The following TRIM22 variants were observed in gnomAD, a reference collection of about 807,000 sequenced individuals.
TRIM22 encodes E3 ubiquitin-protein ligase TRIM22.
Under a neutral mutation model 53.6 loss-of-function variants are expected in TRIM22, and 45 were observed. That is an observed-to-expected ratio of 0.84 (90% CI 0.66 to 1.08). TRIM22 has a LOEUF of 1.08. Ranked by LOEUF, TRIM22 falls within the 50% of genes least tolerant of loss-of-function variation. The pLI, the probability that TRIM22 is intolerant of heterozygous loss-of-function variation, is 0.00. For synonymous variants in TRIM22, 225 were observed against 216.6 expected, an observed-to-expected ratio of 1.04 and a Z score of -0.34; for missense variants, 616 against 590.9, an observed-to-expected ratio of 1.04 and a Z score of -0.44.
rs143605305 is a variant in TRIM22, at chr11:5,706,606, G to A, written c.763G>A (p.Val255Ile). The A allele has an allele frequency of 5.1e-4, 816 of 1,612,066 alleles. 2 individuals carry two copies. The Admixed American group carries it at 7.3e-3, about 14-fold the overall frequency. ...SVEMLQDVID[V>I]MKRSESWTLK... The stretch of plus-strand genomic sequence containing the variant: ...ATCTTTTCCCCAGGATGTGATTGAC[G>A]TCATGAAAAGGTATATGTGGAAGAG... Residue 255 changes from valine (V) to isoleucine (I), a missense_variant, in exon 5 of 8, where the codon GTC becomes ATC. Physicochemically the swap from Val to Ile is conservative, Grantham distance 29. Transcript: ENST00000379965.
intron 2 of TRIM22, chr11:5,696,940 G>GC: frequency 2.0e-6 from 1 of 506,400 alleles, no homozygotes; most frequent in Non-Finnish European, 3.5e-6. Context: ...AGTATTTTTG[G>GC]GAACACGTCT....
At chr11:5,700,605 TCA>T (rs1853359292) in intron 4 of TRIM22, among the ~76,000 whole-genome samples, 20 of 92,920 alleles carry the variant, frequency 2.2e-4, no homozygotes, top group East Asian at 8.1e-4. Context: ...TTTTTTTTTT[TCA>T]GATTTGTAAT....
In TRIM22 at chr11:5,698,354, T is replaced by A; in HGVS notation, c.559T>A (p.Phe187Ile). The change falls in exon 4 of 8, where the codon TTC becomes ATC. Residue 187 changes from phenylalanine (F) to isoleucine (I), a missense_variant. Physicochemically the swap from Phe to Ile is conservative, Grantham distance 21 (BLOSUM62 0). Coordinates refer to ENST00000379965, the MANE Select transcript of TRIM22 (RefSeq NM_006074.5). ...CGAGAGACAGAAGATTCTGAAAGGG[T>A]TCAATGAAATGAGAGTCATCTTGGA... ...QIERQKILKG[F>I]NEMRVILDNE... 2.5e-6 allele frequency: 4 copies of A among 1,614,146 alleles called. No homozygotes were observed. The highest frequency in any genetic ancestry group is 3.4e-6 in the Non-Finnish European group (4 of 1,180,028).
At position 5,694,991 on chromosome 11, in the gene TRIM22, A is replaced by G. The variant is rs117206828; in HGVS notation, c.-66-1176A>G. Among the ~76,000 whole-genome samples, 3 of 152,294 alleles carry G rather than the reference A, an allele frequency of 2.0e-5. No homozygotes were observed. The East Asian group carries it at 5.8e-4, about 29-fold the overall frequency. On this transcript the variant is annotated intron_variant, in intron 1 of 7. Coordinates refer to ENST00000379965, the MANE Select transcript of TRIM22 (RefSeq NM_006074.5). ...ATCTGATTAAAAGGTCTAATCATCT[A>G]TGGAGGGATAAGGAAGTTGTGGCTT... is the stretch of plus-strand genomic sequence containing the variant.
chr11:5,708,943 C>A, intron 7 of TRIM22, 110 bp from the exon 8 acceptor site: 1 of 867,862 alleles, frequency 1.2e-6, no homozygotes, highest in Non-Finnish European at 1.8e-6. Flanking sequence ...ACTATCAACA[C>A]AAGTTCCGTT....
rs1471288289 is a variant in TRIM22, at chr11:5,696,207, C to A, written c.-26C>A. 6.3e-7 allele frequency: 1 copy of A among 1,576,182 alleles called. No homozygotes were observed. Among genetic ancestry groups the A allele is most frequent in the African/African-American group, 1.4e-5 (1 of 73,972 alleles). On this transcript the variant is annotated 5_prime_UTR_variant, in exon 2 of 8. Transcript: ENST00000379965. The stretch of plus-strand genomic sequence containing the variant: ...TGACCAAGAACTTCAAGAGTCAAGA[C>A]AGAAGGAAGCCAAGGGAGCAGTGCA...
chr11:5,693,448 C>T (rs893218834), intron 1 of TRIM22, among the ~76,000 whole-genome samples: 2 of 151,832 alleles, frequency 1.3e-5, no homozygotes, highest in East Asian at 2.0e-4. Context: ...AGGCCGGGCG[C>T]GGTGGCTCAC....
At chr11:5,696,693 G>A (rs371479964) in intron 2 of TRIM22, 38 bp downstream of exon 2, 22 of 1,568,054 alleles carry the variant, frequency 1.4e-5, no homozygotes, top group Non-Finnish European at 1.8e-5. Flanking sequence ...GCAGAGAGCA[G>A]AAGATGGTAC....
Position 5,696,455 on chromosome 11 carries a change from G to C in TRIM22, c.223G>C (p.Ala75Pro). 1 of 1,614,262 alleles carries C rather than the reference G, an allele frequency of 6.2e-7. No homozygotes were observed. ...PGNLRPNRHL[A>P]NIVERVKEVK... ...GAACCTCCGACCTAATCGGCATCTG[G>C]CCAACATAGTTGAGAGAGTCAAAGA... The change falls in exon 2 of 8, where the codon GCC (alanine) becomes CCC (proline). Residue 75 changes from alanine to proline, a missense_variant. Ala to Pro is a conservative substitution (Grantham distance 27, BLOSUM62 -1). Transcript: ENST00000379965.
At chr11:5,702,106 A>T (rs1005133885) in intron 4 of TRIM22, among the ~76,000 whole-genome samples, 1 of 146,782 alleles carries the variant, frequency 6.8e-6, no homozygotes, top group Non-Finnish European at 1.5e-5. Context: ...TATAATATAC[A>T]TAACTAATAT....
rs1342846022 is a variant in TRIM22, at chr11:5,710,863, A to T, written c.*1215A>T. The T allele has an allele frequency of 6.6e-6, 1 of 152,172 alleles. No homozygotes were observed. Among genetic ancestry groups the T allele is most frequent in the Non-Finnish European group, 1.5e-5 (1 of 68,024 alleles). 9.4% of individuals were successfully genotyped at this position (152,172 alleles called of 1,614,324 possible). The stretch of plus-strand genomic sequence containing the variant: ...CTTCAATAAAACAATAGCTGGCTCT[A>T]CTGAAGTCTCATTCTTCAGTTTCCA... On this transcript the variant is annotated 3_prime_UTR_variant, in exon 8 of 8. Coordinates refer to ENST00000379965, the MANE Select transcript of TRIM22 (RefSeq NM_006074.5).
intron 1 of TRIM22, among the ~76,000 whole-genome samples, chr11:5,694,494 C>T (rs112338604): frequency 8.5e-5 from 13 of 152,200 alleles, no homozygotes; most frequent in African/African-American, 2.4e-4. Flanking sequence ...CCCAATAGCA[C>T]TGGGTATCAG....
At chr11:5,700,555 C>T (rs536385982) in intron 4 of TRIM22, among the ~76,000 whole-genome samples, 1 of 122,922 alleles carries the variant, frequency 8.1e-6, no homozygotes, top group Non-Finnish European at 1.6e-5. Flanking sequence ...CAGTCTCTCA[C>T]TTATAAGTAT....
At position 5,694,019 on chromosome 11, in the gene TRIM22, C is replaced by A. The variant is rs111558430; in HGVS notation, c.-66-2148C>A. Among the ~76,000 whole-genome samples the A allele has an allele frequency of 4.5e-3, 680 of 152,318 alleles. 10 individuals carry two copies. Among genetic ancestry groups the A allele is most frequent in the African/African-American group, 0.016 (659 of 41,562 alleles). ...GCATCACCCTGATCTCTGCTTTCTT[C>A]TTCACCCTGGCATATTCCTTGTGTA... On this transcript the variant is annotated intron_variant, in intron 1 of 7. Coordinates refer to ENST00000379965, the MANE Select transcript of TRIM22 (RefSeq NM_006074.5).
intron 7 of TRIM22, 43 bp from the exon 8 acceptor site, chr11:5,709,010 C>A: frequency 6.9e-7 from 1 of 1,452,226 alleles, no homozygotes; most frequent in Non-Finnish European, 9.6e-7. Context: ...GTAAGACACA[C>A]CTATCCCATA....
At position 5,708,130 on chromosome 11, in the gene TRIM22, A is replaced by G. The variant is rs779388223; in HGVS notation, c.774-43A>G. On this transcript the variant is annotated intron_variant, in intron 5 of 7. Coordinates refer to ENST00000379965, the MANE Select transcript of TRIM22 (RefSeq NM_006074.5). ...AGACAGTGATCTTGGATGGAGAGAA[A>G]TAGGGCAAAGGTGTAAAGGTTATCA... 4.1e-6 allele frequency: 6 copies of G among 1,481,324 alleles called. No individual in the cohort carries two copies. The African/African-American group carries it at 8.3e-5, about 21-fold the overall frequency. 91.8% of individuals were successfully genotyped at this position (1,481,324 alleles called of 1,614,324 possible). A position where few individuals can be genotyped will look rare whatever the true frequency, so the allele number is the denominator to read the frequency against.
chr11:5,709,422 C>T lies in TRIM22; in HGVS notation c.1271C>T (p.Ser424Phe). Residue 424 changes from serine to phenylalanine, a missense_variant, in exon 8 of 8, where the codon TCC becomes TTC. By Grantham distance (155) the Ser-to-Phe change is radical (BLOSUM62 -2). Transcript: ENST00000379965. ...TGTGAATATAATGCTTTTGAGGACT[C>T]CTCCTCTTCTGATCCCAAGGTTTTG... is the stretch of plus-strand genomic sequence containing the variant. ...NTCEYNAFED[S>F]SSSDPKVLTL... The T allele has an allele frequency of 6.2e-7, 1 of 1,614,118 alleles. No individual in the cohort carries two copies. Among genetic ancestry groups the T allele is most frequent in the South Asian group, 1.1e-5 (1 of 91,072 alleles).
At chr11:5,708,676 C>T in intron 7 of TRIM22, 73 bp downstream of exon 7, 1 of 1,286,082 alleles carries the variant, frequency 7.8e-7, no homozygotes, top group Non-Finnish European at 1.1e-6. Context: ...TAATCTGAGT[C>T]TCATGTGTTC....
intron 1 of TRIM22, among the ~76,000 whole-genome samples, chr11:5,690,740 T>G (rs903882368): frequency 1.3e-5 from 2 of 152,206 alleles, no homozygotes; most frequent in Non-Finnish European, 2.9e-5. Flanking sequence ...GAATTTTCTT[T>G]TATTCAGAGG....
Sources: gnomAD v4.1 joint callset for allele counts (sites outside exome capture counted in the v4.1 genomes callset) on GRCh38, gnomAD v4.1.1 for gene constraint, MANE v1.5 for transcripts, NCBI Gene and HGNC (gene_info 2026-07-23, HGNC 2026-07-21) for gene names.